The following FGL1 variants were observed in gnomAD, a reference collection of about 807,000 sequenced individuals.
The protein encoded by FGL1 is fibrinogen-like protein 1.
In FGL1, 59 loss-of-function variants were observed where a neutral mutation model predicts 43.7. The ratio of observed to expected loss-of-function variants is 1.35; its 90% CI spans 1.10 to 1.68. The LOEUF (loss-of-function observed/expected upper bound fraction) is 1.68. Ranked by LOEUF, FGL1 falls within the 40% of genes most tolerant of loss-of-function variation. FGL1 has a pLI of 0.00. For missense variants in FGL1, 596 were observed against 373.0 expected, an observed-to-expected ratio of 1.60 and a Z score of -4.92; for synonymous variants, 192 against 126.5, an observed-to-expected ratio of 1.52 and a Z score of -3.48.
intron 1 of FGL1, among the ~76,000 whole-genome samples, chr8:17,892,954 C>T (rs1173762715): frequency 2.0e-5 from 3 of 152,104 alleles, no homozygotes; most frequent in Admixed American, 6.5e-5. Flanking sequence ...AATCCCAGCA[C>T]GTTGAGAGGC....
In FGL1 at chr8:17,889,320, T is replaced by A. The variant is rs35963175; in HGVS notation, c.-17-3749A>T. 1.1e-3 allele frequency among the ~76,000 whole-genome samples: 168 copies of A among 152,294 alleles called. 2 individuals carry two copies. The highest frequency in any genetic ancestry group is 3.9e-3 in the African/African-American group (161 of 41,570). ...ATCTCAGCACTTTGGGAGGACGAAG[T>A]GGGAGGATCGCCAGAGGCCAGGAGT... On this transcript the variant is annotated intron_variant, in intron 1 of 7. Coordinates refer to ENST00000427924, the MANE Select transcript of FGL1 (RefSeq NM_004467.4).
rs1432463630 is a variant in FGL1 at position 17,864,445 on chromosome 8, A to T, written c.*147T>A. On this transcript the variant is annotated 3_prime_UTR_variant, in exon 8 of 8. Coordinates refer to ENST00000427924, the MANE Select transcript of FGL1 (RefSeq NM_004467.4). ...ATTGCATATCTGCTGTACTGAAAGC[A>T]CATTAAGTAACAAAGGCAAGTGAGA... 1 of 767,894 alleles carries T rather than the reference A, an allele frequency of 1.3e-6. No homozygotes were observed. The highest frequency in any genetic ancestry group is 2.0e-6 in the Non-Finnish European group (1 of 495,484). 47.6% of individuals were successfully genotyped at this position (767,894 alleles called of 1,614,324 possible). A position where few individuals can be genotyped will look rare whatever the true frequency, so the allele number is the denominator to read the frequency against.
chr8:17,874,289 A>G (rs2053409758), intron 4 of FGL1, 73 bp downstream of exon 4: 3 of 1,505,902 alleles, frequency 2.0e-6, no homozygotes, highest in African/African-American at 2.8e-5. Context: ...GCTTCAGGAT[A>G]TGATCAAAAT....
intron 5 of FGL1, among the ~76,000 whole-genome samples, chr8:17,872,368 T>TATTGGCTCACTGCAAC (rs2053376885): frequency 6.7e-6 from 1 of 150,142 alleles, no homozygotes; most frequent in Admixed American, 6.6e-5. Flanking sequence ...ATTGGCGCAA[T>TATTGGCTCACTGCAAC]CTTGGCTCAC....
At chr8:17,878,945 A>G (rs2053495918) in intron 3 of FGL1, among the ~76,000 whole-genome samples, 2 of 68,994 alleles carry the variant, frequency 2.9e-5, no homozygotes, top group South Asian at 3.3e-4. Context: ...TTTATGTTAT[A>G]TATTTTATTT....
At chr8:17,888,011 C>G (rs2053654146) in intron 1 of FGL1, among the ~76,000 whole-genome samples, 1 of 151,694 alleles carries the variant, frequency 6.6e-6, no homozygotes, top group Non-Finnish European at 1.5e-5. Flanking sequence ...CTATCTTAGG[C>G]CCAGTGATAG....
chr8:17,881,138 A>ATTTTTTT (rs34570292), intron 3 of FGL1, among the ~76,000 whole-genome samples: 5 of 142,932 alleles, frequency 3.5e-5, no homozygotes, highest in African/African-American at 1.4e-4. Context: ...GTGTACACGG[A>ATTTTTTT]TTTTTTTTTT....
intron 2 of FGL1, among the ~76,000 whole-genome samples, chr8:17,883,118 A>G (rs866572185): frequency 0.011 from 313 of 28,256 alleles, 36 homozygotes; most frequent in Non-Finnish European, 0.017. Flanking sequence ...AATATATATC[A>G]TATATAATAT....
Position 17,864,765 on chromosome 8 carries a change from GA to G in FGL1, c.780-15del, listed in dbSNP as rs760243854. On this transcript the variant is annotated splice_polypyrimidine_tract_variant and intron_variant, in intron 7 of 7. Transcript: ENST00000427924. ...GCAGAGTGACACCTAGTGGAAGGGA[GA>G]AAAAAAAAGAAAACAACAATCAGAC... 9.3e-5 allele frequency: 130 copies of G among 1,403,732 alleles called. No homozygotes were observed. The highest frequency in any genetic ancestry group is 4.8e-4 in the South Asian group (27 of 55,730). The allele number at this position is 1,403,732 out of a possible 1,614,324, so 87.0% of individuals were successfully genotyped here.
At chr8:17,888,986 T>C (rs191089423) in intron 1 of FGL1, among the ~76,000 whole-genome samples, 1 of 152,304 alleles carries the variant, frequency 6.6e-6, no homozygotes. Flanking sequence ...ATTTTAATAA[T>C]GACACACAAT....
chr8:17,879,954 G>A (rs2053510194), intron 3 of FGL1, among the ~76,000 whole-genome samples: 1 of 152,158 alleles, frequency 6.6e-6, no homozygotes, highest in African/African-American at 2.4e-5. Context: ...TTTGAAATTT[G>A]GAGTAATGAT....
chr8:17,884,608 C>G (rs1340453196), intron 2 of FGL1, among the ~76,000 whole-genome samples: 1 of 152,126 alleles, frequency 6.6e-6, no homozygotes, highest in Non-Finnish European at 1.5e-5. Context: ...AAAAAATGAA[C>G]AGCAAGAACA....
rs1199592736 is a variant in FGL1 at position 17,874,357 on chromosome 8, C to T, written c.404+5G>A. ...ATATAAAGTCTTACATCATAATTAG[C>T]ACACCTGTTAAAGTTTTCACTGCCA... is the stretch of plus-strand genomic sequence containing the variant. On this transcript the variant is annotated splice_donor_5th_base_variant and intron_variant, in intron 4 of 7. Coordinates refer to ENST00000427924, the MANE Select transcript of FGL1 (RefSeq NM_004467.4). 4 of 1,610,396 alleles carry T rather than the reference C, an allele frequency of 2.5e-6. No homozygotes were observed. The highest frequency in any genetic ancestry group is 1.7e-5 in the Admixed American group (1 of 59,234).
intron 1 of FGL1, chr8:17,895,224 C>T (rs536006983): frequency 2.3e-6 from 2 of 858,364 alleles, no homozygotes; most frequent in Non-Finnish European, 2.8e-6. Flanking sequence ...TTCTAACATA[C>T]CTTATTTGTA....
At position 17,882,078 on chromosome 8, in the gene FGL1, C is replaced by A. The variant is rs1468174207; in HGVS notation, c.165G>T (p.Leu55Phe). 4 of 1,614,058 alleles carry A rather than the reference C, an allele frequency of 2.5e-6. No individual in the cohort carries two copies. Among genetic ancestry groups the A allele is most frequent in the Non-Finnish European group, 3.4e-6 (4 of 1,180,002 alleles). ...CAAGGAACTGGACTTCATTCTCCTG[C>A]AAAAGCTGCTTGATCTTGACCTGTT... is the stretch of plus-strand genomic sequence containing the variant. ...KQQQVKIKQL[L>F]QENEVQFLDK... is the part of the protein sequence containing the mutation. The change falls in exon 3 of 8, where the codon TTG (leucine) becomes TTT (phenylalanine). Residue 55 changes from leucine (L) to phenylalanine (F), a missense_variant. Physicochemically the swap from Leu to Phe is conservative, Grantham distance 22. Coordinates refer to ENST00000427924, the MANE Select transcript of FGL1 (RefSeq NM_004467.4).
In FGL1 at chr8:17,868,533, C is replaced by G; in HGVS notation, c.779+15G>C. On this transcript the variant is annotated intron_variant, in intron 7 of 7. Coordinates refer to ENST00000427924, the MANE Select transcript of FGL1 (RefSeq NM_004467.4). ...TCATCAACTCCATTACAACTATGCT[C>G]ATAAGACATCAAACCTGTTAAACCA... The G allele has an allele frequency of 6.2e-7, 1 of 1,601,848 alleles. No homozygotes were observed. The highest frequency in any genetic ancestry group is 8.5e-7 in the Non-Finnish European group (1 of 1,174,038).
intron 2 of FGL1, among the ~76,000 whole-genome samples, chr8:17,884,088 C>T (rs1226029181): frequency 6.9e-6 from 1 of 145,472 alleles, no homozygotes; most frequent in East Asian, 2.1e-4. Flanking sequence ...TCCTTCCCTC[C>T]CTCCCTCCCT....
intron 2 of FGL1, chr8:17,882,404 A>T (rs1185012488): frequency 2.4e-6 from 1 of 411,648 alleles, no homozygotes; most frequent in Non-Finnish European, 4.3e-6. Context: ...ATCAAATAAT[A>T]TAAAATAATT....
intron 5 of FGL1, among the ~76,000 whole-genome samples, chr8:17,869,874 C>A (rs1305051812): frequency 6.6e-6 from 1 of 152,120 alleles, no homozygotes; most frequent in Non-Finnish European, 1.5e-5. Flanking sequence ...CTTTGGGAGG[C>A]CGAGGCGGGC....
Sources: gnomAD v4.1 joint callset for allele counts (sites outside exome capture counted in the v4.1 genomes callset) on GRCh38, gnomAD v4.1.1 for gene constraint, MANE v1.5 for transcripts, NCBI Gene and HGNC (gene_info 2026-07-23, HGNC 2026-07-21) for gene names.